The following ADARB2 variants were observed in gnomAD, a reference collection of about 807,000 sequenced individuals.
ADARB2 encodes the protein inactive double-stranded RNA-specific editase B2.
ADARB2 carries 25 observed loss-of-function variants against 62.2 expected under a neutral mutation model. The observed-to-expected ratio is 0.40, with a 90% CI of 0.29 to 0.56. ADARB2 has a LOEUF of 0.56. Among genes scored for constraint, ADARB2 ranks in the 20% least tolerant of loss-of-function variants. The pLI is 0.43. For missense variants in ADARB2, 1,071 were observed against 1,077.4 expected, an observed-to-expected ratio of 0.99 and a Z score of 0.08; for synonymous variants, 572 against 500.8, an observed-to-expected ratio of 1.14 and a Z score of -1.90.
chr10:1,721,516 C>T (rs77934234), intron 1 of ADARB2, among the ~76,000 whole-genome samples: 15,077 of 152,078 alleles, frequency 0.099, 897 homozygotes, highest in Admixed American at 0.2. Context: ...GACACACACA[C>T]GCTGGACACA....
chr10:1,348,145 C>A (rs116217325), intron 3 of ADARB2, among the ~76,000 whole-genome samples: 1 of 152,112 alleles, frequency 6.6e-6, no homozygotes, highest in African/African-American at 2.4e-5. Flanking sequence ...TTGCTGAGCA[C>A]GGGGTGTGCC....
chr10:1,505,687 TTCCGTCCCCACCGTGGCAGCCG>T (rs1831837333), intron 1 of ADARB2, among the ~76,000 whole-genome samples: 1 of 114,320 alleles, frequency 8.7e-6, no homozygotes, highest in Non-Finnish European at 2.1e-5. Context: ...GTTCTGCCAC[TTCCGTCCCCACCGTGGCAGCCG>T]CCTCCCCATG....
intron 4 of ADARB2, among the ~76,000 whole-genome samples, chr10:1,261,457 GA>G (rs1207829489): frequency 2.7e-5 from 4 of 149,344 alleles, no homozygotes; most frequent in Non-Finnish European, 5.9e-5. Flanking sequence ...AAATTTACAA[GA>G]AAAAAACAAC....
At chr10:1,388,104 A>T (rs1400074000) in intron 1 of ADARB2, among the ~76,000 whole-genome samples, 5 of 152,110 alleles carry the variant, frequency 3.3e-5, no homozygotes, top group Admixed American at 2.6e-4. Context: ...AAATAGAAAG[A>T]TACACCATTT....
At chr10:1,330,249 C>T (rs968982849) in intron 3 of ADARB2, among the ~76,000 whole-genome samples, 2 of 152,014 alleles carry the variant, frequency 1.3e-5, no homozygotes, top group African/African-American at 4.8e-5. Flanking sequence ...GAGCCTTTCC[C>T]GGCTTAGGCT....
chr10:1,464,869 C>T (rs1831232548), intron 1 of ADARB2, among the ~76,000 whole-genome samples: 1 of 152,228 alleles, frequency 6.6e-6, no homozygotes, highest in Admixed American at 6.5e-5. Flanking sequence ...ACACACTCGG[C>T]GGAGGCCCCG....
At chr10:1,555,792 A>G (rs12415411) in intron 1 of ADARB2, among the ~76,000 whole-genome samples, 35,336 of 152,026 alleles carry the variant, frequency 0.23, 4,317 homozygotes, top group African/African-American at 0.26. Flanking sequence ...AAAATTAGCC[A>G]GGTGTGATGG....
chr10:1,609,792 T>G (rs1833544695), intron 1 of ADARB2, among the ~76,000 whole-genome samples: 1 of 152,190 alleles, frequency 6.6e-6, no homozygotes, highest in Non-Finnish European at 1.5e-5. Flanking sequence ...TGTGTCGCCC[T>G]GTGTCTGTGG....
intron 4 of ADARB2, 92 bp downstream of exon 4, chr10:1,270,863 A>G (rs984275417): frequency 3.0e-5 from 33 of 1,091,314 alleles, no homozygotes; most frequent in Non-Finnish European, 4.1e-5. Context: ...CTGTTGTGGA[A>G]GAGAGAGCCT....
chr10:1,321,959 T>C (rs1040647541), intron 3 of ADARB2, among the ~76,000 whole-genome samples: 11 of 151,800 alleles, frequency 7.2e-5, no homozygotes, highest in African/African-American at 2.7e-4. Context: ...GGACTTTGGG[T>C]TCTCGGTGAG....
chr10:1,688,229 A>G (rs1317962929), intron 1 of ADARB2, among the ~76,000 whole-genome samples: 4 of 152,196 alleles, frequency 2.6e-5, no homozygotes, highest in Non-Finnish European at 5.9e-5. Context: ...ACCCTGTCCC[A>G]CTGTCAGCCT....
At chr10:1,432,836 G>T (rs1259682523) in intron 1 of ADARB2, among the ~76,000 whole-genome samples, 1 of 152,032 alleles carries the variant, frequency 6.6e-6, no homozygotes, top group Non-Finnish European at 1.5e-5. Flanking sequence ...GGGCAGGGAA[G>T]GCCCAGGCAT....
At chr10:1,258,563 A>T (rs781435708) in intron 4 of ADARB2, among the ~76,000 whole-genome samples, 1 of 152,242 alleles carries the variant, frequency 6.6e-6, no homozygotes, top group Admixed American at 6.5e-5. Flanking sequence ...AGGCCATTAC[A>T]TAATGGTAAA....
At chr10:1,368,124 A>G (rs1832329430) in intron 2 of ADARB2, among the ~76,000 whole-genome samples, 1 of 149,960 alleles carries the variant, frequency 6.7e-6, no homozygotes, top group Non-Finnish European at 1.5e-5. Context: ...TGGCCTCTGC[A>G]TGGAGCTGTG....
At chr10:1,629,555 C>A (rs1258192991) in intron 1 of ADARB2, among the ~76,000 whole-genome samples, 1 of 133,384 alleles carries the variant, frequency 7.5e-6, no homozygotes, top group East Asian at 2.7e-4. Flanking sequence ...ACCCCCCCAG[C>A]ACCCAACCCC....
chr10:1,737,390 G>C lies in ADARB2; in HGVS notation c.-240C>G, dbSNP rs543037099. 1 of 499,152 alleles carries C rather than the reference G, an allele frequency of 2.0e-6. No homozygotes were observed. Among genetic ancestry groups the C allele is most frequent in the Non-Finnish European group, 3.6e-6 (1 of 278,642 alleles). 30.9% of individuals were successfully genotyped at this position (499,152 alleles called of 1,614,324 possible). On this transcript the variant is annotated 5_prime_UTR_variant, in exon 1 of 10. Transcript: ENST00000381312. ...GGCGCCTGGAGCGAGCTGCTCCCTG[G>C]TCAGGGAGGGCGGGGAAGGGCGCGC...
intron 2 of ADARB2, among the ~76,000 whole-genome samples, chr10:1,366,099 C>T (rs138774217): frequency 2.0e-5 from 3 of 152,226 alleles, no homozygotes; most frequent in Non-Finnish European, 4.4e-5. Context: ...GCTGCTGATG[C>T]GTGGGTAATA....
In ADARB2 at chr10:1,298,493, T is replaced by G. The variant is rs535043192; in HGVS notation, c.1078-27424A>C. Among the ~76,000 whole-genome samples, 8 of 152,250 alleles carry G rather than the reference T, an allele frequency of 5.3e-5. No individual in the cohort carries two copies. In the South Asian group the frequency reaches 1.7e-3, roughly 32 times the overall value. ...TTGAGATGCTATTGCGCTTAAAACCTAGGCAGGATGGTATGCACAAAATTC... is the reference window on the plus strand; with the variant it reads ...TTGAGATGCTATTGCGCTTAAAACCGAGGCAGGATGGTATGCACAAAATTC... On this transcript the variant is annotated intron_variant, in intron 3 of 9. Transcript: ENST00000381312.
intron 3 of ADARB2, among the ~76,000 whole-genome samples, chr10:1,299,647 C>T (rs4417195): frequency 0.44 from 66,701 of 151,928 alleles, 16,247 homozygotes; most frequent in East Asian, 0.69. Context: ...CACTGGTGCA[C>T]GGCTTGGTGC....
Sources: gnomAD v4.1 joint callset for allele counts (sites outside exome capture counted in the v4.1 genomes callset) on GRCh38, gnomAD v4.1.1 for gene constraint, MANE v1.5 for transcripts, NCBI Gene and HGNC (gene_info 2026-07-23, HGNC 2026-07-21) for gene names.